The following EDA variants were observed in gnomAD, a reference collection of about 807,000 sequenced individuals.
EDA encodes the protein ectodysplasin-A.
EDA carries 2 observed loss-of-function variants against 23.6 expected under a neutral mutation model. The ratio of observed to expected loss-of-function variants is 0.08; its 90% CI spans 0.03 to 0.27. The LOEUF (loss-of-function observed/expected upper bound fraction) is 0.27. Ranked by LOEUF, EDA falls within the 10% of genes least tolerant of loss-of-function variation. The pLI is 1.00. For missense variants in EDA, 229 were observed against 324.2 expected, an observed-to-expected ratio of 0.71 and a Z score of 2.26; for synonymous variants, 131 against 132.0, an observed-to-expected ratio of 0.99 and a Z score of 0.05.
chrX:69,736,398 C>T (rs563168128), intron 1 of EDA, among the ~76,000 whole-genome samples: 2 of 110,459 alleles, frequency 1.8e-5, no homozygotes, highest in African/African-American at 6.6e-5. Context: ...GGTGCGATCT[C>T]GGCTCGCTGC....
intron 1 of EDA, among the ~76,000 whole-genome samples, chrX:69,914,203 T>C (rs2018309217): frequency 8.9e-6 from 1 of 112,163 alleles, no homozygotes. Flanking sequence ...AAACGCAGTA[T>C]GTGTGAAGCA....
At chrX:69,883,873 G>C (rs2017787967) in intron 1 of EDA, among the ~76,000 whole-genome samples, 1 of 110,182 alleles carries the variant, frequency 9.1e-6, no homozygotes, top group African/African-American at 3.3e-5. Context: ...AAGGTGGGAG[G>C]ATCACTTGAG....
At chrX:69,750,094 T>A (rs1192450182) in intron 1 of EDA, among the ~76,000 whole-genome samples, 3 of 106,829 alleles carry the variant, frequency 2.8e-5, no homozygotes, top group African/African-American at 1.0e-4. Flanking sequence ...TGTATACATG[T>A]GCCATGTTGG....
chrX:69,748,761 C>A (rs2013705557), intron 1 of EDA, among the ~76,000 whole-genome samples: 1 of 111,020 alleles, frequency 9.0e-6, no homozygotes, highest in East Asian at 2.9e-4. Flanking sequence ...GCTTTTAAAT[C>A]TGTAAAATAA....
intron 1 of EDA, among the ~76,000 whole-genome samples, chrX:69,765,771 A>G (rs746154863): frequency 1.8e-5 from 2 of 111,126 alleles, no homozygotes; most frequent in Non-Finnish European, 1.9e-5. Context: ...TATAAATTCT[A>G]TGCCATCTTA....
At chrX:69,919,778 G>C (rs763543313) in intron 1 of EDA, among the ~76,000 whole-genome samples, 15 of 111,910 alleles carry the variant, frequency 1.3e-4, no homozygotes, top group Non-Finnish European at 2.6e-4. Context: ...TATATTTAAT[G>C]TCTAGAAAAG....
intron 1 of EDA, among the ~76,000 whole-genome samples, chrX:69,835,965 T>C (rs2016762248): frequency 8.9e-6 from 1 of 112,316 alleles, no homozygotes; most frequent in South Asian, 3.7e-4. Context: ...TTCTAACAGT[T>C]AGGTCCCTCA....
intron 1 of EDA, among the ~76,000 whole-genome samples, chrX:69,830,641 G>A (rs1223306713): frequency 1.8e-5 from 2 of 112,289 alleles, no homozygotes; most frequent in Non-Finnish European, 3.8e-5. Context: ...AAGGTAAATA[G>A]TATAATAACT....
intron 1 of EDA, among the ~76,000 whole-genome samples, chrX:69,852,454 T>C (rs1458270945): frequency 1.8e-5 from 2 of 111,840 alleles, no homozygotes; most frequent in Non-Finnish European, 3.8e-5. Flanking sequence ...ATAACATCTC[T>C]AAAAGCTACA....
At chrX:69,798,770 A>G (rs1363680805) in intron 1 of EDA, among the ~76,000 whole-genome samples, 1 of 111,581 alleles carries the variant, frequency 9.0e-6, no homozygotes, top group Non-Finnish European at 1.9e-5. Context: ...TAAGGAAAGA[A>G]ATAAAGACCA....
intron 1 of EDA, among the ~76,000 whole-genome samples, chrX:69,931,728 T>C (rs773993662): frequency 8.9e-6 from 1 of 111,846 alleles, no homozygotes; most frequent in East Asian, 2.8e-4. Context: ...GAAACTCTCA[T>C]ACACACTGCT....
chrX:69,867,088 C>T (rs1273706167), intron 1 of EDA, among the ~76,000 whole-genome samples: 2 of 111,836 alleles, frequency 1.8e-5, no homozygotes, highest in South Asian at 3.8e-4. Context: ...GGTGCTATAT[C>T]GAGGGCTCAG....
At chrX:69,626,671 A>G (rs906978721) in intron 1 of EDA, among the ~76,000 whole-genome samples, 12 of 111,577 alleles carry the variant, frequency 1.1e-4, no homozygotes, top group African/African-American at 3.9e-4. Flanking sequence ...GAATATGGGC[A>G]TAAGGGCACT....
At chrX:70,002,940 A>C (rs2019758701) in intron 2 of EDA, among the ~76,000 whole-genome samples, 1 of 112,517 alleles carries the variant, frequency 8.9e-6, no homozygotes, top group Non-Finnish European at 1.9e-5. Context: ...CATTGTAACC[A>C]GATTGACAAA....
At chrX:69,904,239 G>A (rs2018145247) in intron 1 of EDA, among the ~76,000 whole-genome samples, 1 of 111,647 alleles carries the variant, frequency 9.0e-6, no homozygotes, top group African/African-American at 3.3e-5. Context: ...TAGTTATTTT[G>A]AAATATACAA....
At chrX:69,737,569 C>T (rs938046071) in intron 1 of EDA, among the ~76,000 whole-genome samples, 4 of 111,973 alleles carry the variant, frequency 3.6e-5, no homozygotes, top group African/African-American at 1.3e-4. Flanking sequence ...ATACTATAAA[C>T]CTCCTAATTA....
intron 2 of EDA, among the ~76,000 whole-genome samples, chrX:69,961,478 G>T (rs1395479871): frequency 8.9e-6 from 1 of 111,947 alleles, no homozygotes; most frequent in Non-Finnish European, 1.9e-5. Flanking sequence ...TAAACTAGTT[G>T]ATTAGAGGCA....
intron 1 of EDA, 131 bp downstream of exon 1, chrX:69,616,835 G>T (rs367870945): frequency 2.2e-6 from 2 of 906,804 alleles, no homozygotes; most frequent in Non-Finnish European, 1.5e-6. Context: ...GAGGGACCAG[G>T]CGAGCAAGGG....
At chrX:69,746,787 C>T (rs1023369632) in intron 1 of EDA, among the ~76,000 whole-genome samples, 12 of 111,237 alleles carry the variant, frequency 1.1e-4, no homozygotes, top group South Asian at 3.9e-4. Flanking sequence ...CACCATCCTC[C>T]GGATGGTGAG....
Sources: allele counts gnomAD v4.1 joint callset (sites outside exome capture counted in the v4.1 genomes callset), GRCh38; gene constraint gnomAD v4.1.1; transcripts MANE v1.5; gene names NCBI Gene and HGNC (gene_info 2026-07-23, HGNC 2026-07-21).